VBP1: variants seen among roughly 807,000 people sequenced by gnomAD.
The protein encoded by VBP1 is prefoldin subunit 3.
A neutral mutation model predicts 15.5 loss-of-function variants in VBP1; 4 were observed. The observed-to-expected ratio is 0.26, with a 90% CI of 0.13 to 0.59. The LOEUF (loss-of-function observed/expected upper bound fraction) is 0.59. Ranked by LOEUF, VBP1 falls within the 20% of genes least tolerant of loss-of-function variation. The pLI is 0.90. For synonymous variants in VBP1, 61 were observed against 52.1 expected (o/e 1.17, Z -0.74); for missense variants, 108 against 139.6 (o/e 0.77, Z 1.14).
chrX:155,215,800 G>GT (rs782248748), upstream of VBP1, among the ~76,000 whole-genome samples: 234 of 112,182 alleles, frequency 2.1e-3, 1 homozygote, highest in Non-Finnish European at 3.4e-3. Flanking sequence ...ATGACATTGG[G>GT]TAAGTCCATG....
intron 1 of VBP1, among the ~76,000 whole-genome samples, chrX:155,203,225 A>G (rs1469488851): frequency 9.0e-6 from 1 of 111,342 alleles, no homozygotes; most frequent in African/African-American, 3.3e-5. Context: ...ATCTAGAACT[A>G]GAAATACCAT....
intron 1 of VBP1, among the ~76,000 whole-genome samples, chrX:155,217,760 T>C (rs6642260): frequency 1.8e-5 from 2 of 111,685 alleles, no homozygotes; most frequent in East Asian, 5.5e-4. Context: ...CTACTACTGT[T>C]ATGCCCGTTT....
At chrX:155,236,438 G>A in intron 5 of VBP1, 71 bp downstream of exon 5, 2 of 1,108,966 alleles carry the variant, frequency 1.8e-6, no homozygotes, top group Non-Finnish European at 2.4e-6. Context: ...TTCTTTCATG[G>A]GCAGAGGGAG....
At chrX:155,213,943 T>C (rs1019144117), upstream of VBP1, among the ~76,000 whole-genome samples, 5 of 112,090 alleles carry the variant, frequency 4.5e-5, no homozygotes, top group Non-Finnish European at 9.4e-5. Context: ...AAATCAGCCA[T>C]TGTGGGAGTA....
intron 1 of VBP1, among the ~76,000 whole-genome samples, chrX:155,204,596 T>G (rs2074620208): frequency 9.0e-6 from 1 of 111,680 alleles, no homozygotes; most frequent in Admixed American, 9.5e-5. Flanking sequence ...CTCTGAAAAA[T>G]AATATAGCAC....
At chrX:155,208,819 G>C (rs1277880394) in intron 1 of VBP1, 2 of 774,287 alleles carry the variant, frequency 2.6e-6, no homozygotes, top group East Asian at 3.5e-5. Flanking sequence ...TGTATTAGGA[G>C]AGCAATTAAA....
intron 1 of VBP1, among the ~76,000 whole-genome samples, chrX:155,202,841 A>C (rs1268563294): frequency 2.7e-5 from 3 of 110,701 alleles, no homozygotes; most frequent in Non-Finnish European, 1.9e-5. Flanking sequence ...ATGGGAGAAA[A>C]TTCTCACAAC....
chrX:155,207,786 A>G (rs1476925979), intron 1 of VBP1, among the ~76,000 whole-genome samples: 1 of 111,826 alleles, frequency 8.9e-6, no homozygotes, highest in Non-Finnish European at 1.9e-5. Context: ...TAGTCTGTCG[A>G]GAAAATTAAT....
intron 1 of VBP1, among the ~76,000 whole-genome samples, chrX:155,198,375 T>A (rs2074586939): frequency 8.9e-6 from 1 of 111,801 alleles, no homozygotes. Context: ...AGGGGCAGAC[T>A]GACACCTCAC....
chrX:155,236,435 A>C (rs181806365), intron 5 of VBP1, 68 bp downstream of exon 5: 1 of 1,125,252 alleles, frequency 8.9e-7, no homozygotes, highest in Non-Finnish European at 1.2e-6. Flanking sequence ...ACATTCTTTC[A>C]TGGGCAGAGG....
At position 155,239,195 on chromosome X, in the gene VBP1, T is replaced by C. The variant is rs782272269; in HGVS notation, c.*353T>C. 43 of 134,328 alleles carry C rather than the reference T, an allele frequency of 3.2e-4. No individual in the cohort carries two copies. Among genetic ancestry groups the C allele is most frequent in the African/African-American group, 1.3e-3 (41 of 31,458 alleles). The allele number at this position is 134,328 out of a possible 1,213,427, so 11.1% of individuals were successfully genotyped here. A position where few individuals can be genotyped will look rare whatever the true frequency, so the allele number is the denominator to read the frequency against. On this transcript the variant is annotated 3_prime_UTR_variant, in exon 6 of 6. Coordinates refer to ENST00000286428, the MANE Select transcript of VBP1 (RefSeq NM_003372.7). ...TCTAATTGGCTGATGTTACTCTCAC[T>C]TGATGTGGTTAAACCATTTTAGAGG...
chrX:155,214,768 C>CTTTTT (rs782556765), upstream of VBP1, among the ~76,000 whole-genome samples: 2 of 83,071 alleles, frequency 2.4e-5, no homozygotes, highest in East Asian at 3.6e-4. Context: ...TTTTCTTTTC[C>CTTTTT]TTTTTTTTTT....
At chrX:155,210,667 T>C (rs923391775) in intron 2 of VBP1, among the ~76,000 whole-genome samples, 1 of 111,939 alleles carries the variant, frequency 8.9e-6, no homozygotes, top group Non-Finnish European at 1.9e-5. Context: ...AAGACTGCCA[T>C]GGAGTGACAA....
chrX:155,215,576 A>T (rs2074659531), upstream of VBP1, among the ~76,000 whole-genome samples: 1 of 112,266 alleles, frequency 8.9e-6, no homozygotes. Flanking sequence ...ATCGTACATT[A>T]TGTGCGGAGA....
intron 1 of VBP1, among the ~76,000 whole-genome samples, chrX:155,199,923 G>A (rs1461634313): frequency 4.7e-4 from 47 of 100,779 alleles, no homozygotes; most frequent in African/African-American, 7.6e-4. Context: ...GATCTACCAA[G>A]CAAATGGAAA....
In VBP1 at chrX:155,224,100, C is replaced by T. The variant is rs782189512; in HGVS notation, c.219-3135C>T. 6.8e-4 allele frequency among the ~76,000 whole-genome samples: 71 copies of T among 104,644 alleles called. 1 individual carries two copies. The highest frequency in any genetic ancestry group is 0.01 in the Middle Eastern group (2 of 192). 90.9% of individuals were successfully genotyped at this position (104,644 alleles called of 115,157 possible). On this transcript the variant is annotated intron_variant, in intron 2 of 5. Coordinates refer to ENST00000286428, the MANE Select transcript of VBP1 (RefSeq NM_003372.7). Reference sequence around the variant, plus strand: ...AGACGGGATGACGGCCTGGAAGAGGCGCTCCTCACTTCCCAGAGTGGGCGG... The same window carrying T: ...AGACGGGATGACGGCCTGGAAGAGGTGCTCCTCACTTCCCAGAGTGGGCGG...
At chrX:155,205,007 T>C (rs2124042869) in intron 1 of VBP1, among the ~76,000 whole-genome samples, 1 of 112,483 alleles carries the variant, frequency 8.9e-6, no homozygotes, top group Admixed American at 9.4e-5. Flanking sequence ...ACAGATAGAA[T>C]ATCTGGAATT....
At chrX:155,199,704 C>G (rs1350033302) in intron 1 of VBP1, among the ~76,000 whole-genome samples, 1 of 111,640 alleles carries the variant, frequency 9.0e-6, no homozygotes. Flanking sequence ...CATCAACTAA[C>G]GAGCAAAATA....
At chrX:155,203,715 T>A (rs915032627) in intron 1 of VBP1, among the ~76,000 whole-genome samples, 2 of 109,806 alleles carry the variant, frequency 1.8e-5, no homozygotes, top group Non-Finnish European at 1.9e-5. Context: ...CATATGTAAC[T>A]AACCTGCACA....
Sources: gnomAD v4.1 joint callset for allele counts (sites outside exome capture counted in the v4.1 genomes callset) on GRCh38, gnomAD v4.1.1 for gene constraint, MANE v1.5 for transcripts, NCBI Gene and HGNC (gene_info 2026-07-23, HGNC 2026-07-21) for gene names.